MSI2: variants seen among roughly 807,000 people sequenced by gnomAD.
MSI2 encodes the protein RNA-binding protein Musashi homolog 2.
A neutral mutation model predicts 45.6 loss-of-function variants in MSI2; 17 were observed. The observed-to-expected ratio is 0.37, with a 90% CI of 0.26 to 0.56. The LOEUF is 0.56. MSI2 is among the 20% of genes least tolerant of loss of function. The pLI is 0.77. For missense variants in MSI2, 293 were observed against 444.2 expected (o/e 0.66, Z 3.06); for synonymous variants, 156 against 158.2 (o/e 0.99, Z 0.11).
chr17:57,624,548 G>A (rs1056616486), intron 9 of MSI2, among the ~76,000 whole-genome samples: 1 of 152,016 alleles, frequency 6.6e-6, no homozygotes, highest in African/African-American at 2.4e-5. Context: ...ACATCCCACC[G>A]GGCTCCTGCT....
chr17:57,670,507 G>A (rs1912700071), intron 11 of MSI2, among the ~76,000 whole-genome samples: 1 of 152,182 alleles, frequency 6.6e-6, no homozygotes, highest in Non-Finnish European at 1.5e-5. Context: ...GGCTTTCCTA[G>A]GTCAGCCATC....
chr17:57,311,895 A>G (rs1217158939), intron 5 of MSI2, among the ~76,000 whole-genome samples: 1 of 151,988 alleles, frequency 6.6e-6, no homozygotes, highest in Non-Finnish European at 1.5e-5. Flanking sequence ...AGTGGTTCTC[A>G]TTATTTTGCC....
rs1054376919 is a variant in MSI2 at position 57,298,862 on chromosome 17, G to C, written c.312+36670G>C. ...TTTAAAGCTTTGAAGCCAGCCATTGGCTTCTCCTCTCTAGCTATCAAAGTC... is the reference window on the plus strand; with the variant it reads ...TTTAAAGCTTTGAAGCCAGCCATTGCCTTCTCCTCTCTAGCTATCAAAGTC... On this transcript the variant is annotated intron_variant, in intron 5 of 13. Coordinates refer to ENST00000284073, the MANE Select transcript of MSI2 (RefSeq NM_138962.4). Among the ~76,000 whole-genome samples, 2 of 152,166 alleles carry C rather than the reference G, an allele frequency of 1.3e-5. 1 individual carries two copies. The highest frequency in any genetic ancestry group is 3.8e-4 in the East Asian group (2 of 5,196).
At chr17:57,274,687 G>A (rs1322858887) in intron 5 of MSI2, among the ~76,000 whole-genome samples, 1 of 152,218 alleles carries the variant, frequency 6.6e-6, no homozygotes, top group Non-Finnish European at 1.5e-5. Flanking sequence ...GTGCGTTTAT[G>A]CATATAAATG....
chr17:57,425,015 C>G (rs1325924229), intron 6 of MSI2, among the ~76,000 whole-genome samples: 1 of 152,170 alleles, frequency 6.6e-6, no homozygotes, highest in Non-Finnish European at 1.5e-5. Flanking sequence ...TCATCCGGCC[C>G]TGCAGGAGGT....
At position 57,642,333 on chromosome 17, in the gene MSI2, G is replaced by A. The variant is rs118037659; in HGVS notation, c.728-9766G>A. Reference sequence around the variant, plus strand: ...TGATCTTGGAGAAAAGGATTCATTGGAATGGCCACTCCTGCACTCCCATCT... The same window carrying A: ...TGATCTTGGAGAAAAGGATTCATTGAAATGGCCACTCCTGCACTCCCATCT... On this transcript the variant is annotated intron_variant, in intron 10 of 13. Transcript: ENST00000284073. Among the ~76,000 whole-genome samples the A allele has an allele frequency of 7.1e-3, 1,080 of 152,286 alleles. 11 individuals are homozygous for A. The highest frequency in any genetic ancestry group is 0.011 in the Non-Finnish European group (779 of 68,024).
rs116002263 is a variant in MSI2, at chr17:57,298,592, T to C, written c.312+36400T>C. 4.1e-3 allele frequency among the ~76,000 whole-genome samples: 619 copies of C among 152,148 alleles called. 2 individuals carry two copies. Among genetic ancestry groups the C allele is most frequent in the African/African-American group, 0.014 (601 of 41,478 alleles). ...AGGAGAATTGCCTGAGCCTGGGAGT[T>C]GGAGGCTGCAGTGAGCCGAGATTGC... On this transcript the variant is annotated intron_variant, in intron 5 of 13. Coordinates refer to ENST00000284073, the MANE Select transcript of MSI2 (RefSeq NM_138962.4).
chr17:57,556,248 G>A (rs1219436660), intron 7 of MSI2, among the ~76,000 whole-genome samples: 4 of 152,160 alleles, frequency 2.6e-5, no homozygotes, highest in African/African-American at 7.2e-5. Context: ...TTGATAATCC[G>A]TTTAGGTCTG....
chr17:57,455,215 C>T (rs752083394), intron 6 of MSI2, among the ~76,000 whole-genome samples: 5 of 152,178 alleles, frequency 3.3e-5, no homozygotes, highest in Admixed American at 6.5e-5. Context: ...GTATATGAAA[C>T]GGTCTCTCTC....
Position 57,257,587 on chromosome 17 carries a change from C to T in MSI2, c.185+40C>T, listed in dbSNP as rs982685799. 2.8e-6 allele frequency: 4 copies of T among 1,429,862 alleles called. No individual in the cohort carries two copies. The African/African-American group carries it at 5.7e-5, about 20-fold the overall frequency. The allele number at this position is 1,429,862 out of a possible 1,614,324, so 88.6% of individuals were successfully genotyped here. The stretch of plus-strand genomic sequence containing the variant: ...TCTGGATTTTGTCTTTATTTTAGAA[C>T]AAAGTTTAAGTTTTATTTTTGGAGG... On this transcript the variant is annotated intron_variant, in intron 3 of 13. Transcript: ENST00000284073.
At chr17:57,306,656 G>C (rs1336059910) in intron 5 of MSI2, among the ~76,000 whole-genome samples, 2 of 152,228 alleles carry the variant, frequency 1.3e-5, no homozygotes, top group Non-Finnish European at 2.9e-5. Context: ...GTGACAGTTA[G>C]ATGTGTATAC....
chr17:57,295,498 A>T (rs1475772975), intron 5 of MSI2, among the ~76,000 whole-genome samples: 1 of 152,030 alleles, frequency 6.6e-6, no homozygotes, highest in Non-Finnish European at 1.5e-5. Flanking sequence ...TATTATTATT[A>T]TTTTTTATAC....
In MSI2 at chr17:57,675,041, GC is replaced by G; in HGVS notation, c.863del (p.Pro288LeufsTer12). On this transcript the variant is annotated frameshift_variant, in exon 12 of 14. Coordinates refer to ENST00000284073, the MANE Select transcript of MSI2 (RefSeq NM_138962.4). LOFTEE classifies it high-confidence loss of function. ...NSPGPVADLY[G>X]PASQDSGVGN... ...CCAGGACCTGTCGCCGATCTCTACG[GC>G]CCTGCCAGCCAGGACTCCGGAGTGG... 1 of 1,614,078 alleles carries G rather than the reference GC, an allele frequency of 6.2e-7. No individual in the cohort carries two copies. Among genetic ancestry groups the G allele is most frequent in the Non-Finnish European group, 8.5e-7 (1 of 1,180,026 alleles).
intron 7 of MSI2, among the ~76,000 whole-genome samples, chr17:57,575,555 C>T (rs1325897702): frequency 6.6e-6 from 1 of 152,170 alleles, no homozygotes; most frequent in Non-Finnish European, 1.5e-5. Flanking sequence ...GGATTGACTT[C>T]CTTTCTGCTC....
intron 5 of MSI2, among the ~76,000 whole-genome samples, chr17:57,394,406 A>G (rs2083852310): frequency 6.6e-6 from 1 of 152,160 alleles, no homozygotes; most frequent in Non-Finnish European, 1.5e-5. Context: ...AAGTCAGGCA[A>G]CTCATGGGAA....
intron 8 of MSI2, among the ~76,000 whole-genome samples, chr17:57,600,013 G>C (rs1391286202): frequency 3.3e-5 from 5 of 152,174 alleles, no homozygotes; most frequent in African/African-American, 7.2e-5. Flanking sequence ...TCTGAAGAAG[G>C]GTGGAATTTA....
intron 10 of MSI2, among the ~76,000 whole-genome samples, chr17:57,638,608 G>A (rs974937382): frequency 2.0e-5 from 3 of 152,148 alleles, no homozygotes; most frequent in African/African-American, 7.2e-5. Context: ...AACATAAATT[G>A]GCAAGGCACG....
At chr17:57,630,454 T>G (rs1909259147) in intron 10 of MSI2, 1 of 152,200 alleles carries the variant, frequency 6.6e-6, no homozygotes, top group Non-Finnish European at 1.5e-5. Flanking sequence ...TCTTAACTAA[T>G]GGCCAGAAAG....
At chr17:57,624,551 C>T (rs772796910) in intron 9 of MSI2, among the ~76,000 whole-genome samples, 2 of 152,174 alleles carry the variant, frequency 1.3e-5, no homozygotes, top group Non-Finnish European at 2.9e-5. Flanking sequence ...TCCCACCGGG[C>T]TCCTGCTCCT....
Sources: gnomAD v4.1 joint callset for allele counts (sites outside exome capture counted in the v4.1 genomes callset) on GRCh38, gnomAD v4.1.1 for gene constraint, MANE v1.5 for transcripts, NCBI Gene and HGNC (gene_info 2026-07-23, HGNC 2026-07-21) for gene names.